Variants in ZNF536 observed in about 807,000 individuals in gnomAD.
ZNF536 encodes zinc finger protein 536.
ZNF536 carries 13 observed loss-of-function variants against 84.5 expected under a neutral mutation model. The ratio of observed to expected loss-of-function variants is 0.15; its 90% CI spans 0.10 to 0.24. The LOEUF (loss-of-function observed/expected upper bound fraction) is 0.24. ZNF536 is among the 10% of genes least tolerant of loss of function. ZNF536 has a pLI of 1.00. For missense variants in ZNF536, 1,536 were observed against 1,747.5 expected (o/e 0.88, Z 2.16); for synonymous variants, 811 against 742.5 (o/e 1.09, Z -1.50).
intron 2 of ZNF536, among the ~76,000 whole-genome samples, chr19:30,301,081 GC>G (rs1878574939): frequency 6.6e-6 from 1 of 152,280 alleles, no homozygotes; most frequent in African/African-American, 2.4e-5. Context: ...GCCCCATCAG[GC>G]CCCTGATCAT....
chr19:30,660,440 A>G lies in ZNF536; in HGVS notation c.170-50317A>G, dbSNP rs2050084394. 2.0e-5 allele frequency among the ~76,000 whole-genome samples: 3 copies of G among 152,218 alleles called. No individual in the cohort carries two copies. The South Asian group carries it at 6.2e-4, about 32-fold the overall frequency. On this transcript the variant is annotated intron_variant, in intron 1 of 1. Coordinates refer to the ZNF536 transcript ENST00000592773. ...CTGTCATCTCTTTGGCAGCGTGGAA[A>G]TAAAAATATATGTATCATTTCATTT...
At chr19:30,501,166 C>A (rs1349068597) in intron 2 of ZNF536, among the ~76,000 whole-genome samples, 2 of 152,166 alleles carry the variant, frequency 1.3e-5, no homozygotes, top group Admixed American at 6.5e-5. Context: ...ATAAGAAGGA[C>A]CACCACTGCC....
intron 1 of ZNF536, among the ~76,000 whole-genome samples, chr19:30,272,223 G>C (rs56897154): frequency 0.31 from 46,473 of 151,942 alleles, 7,185 homozygotes; most frequent in Middle Eastern, 0.34. Context: ...GATAGGTAAA[G>C]TTCCTATCCC....
intron 3 of ZNF536, among the ~76,000 whole-genome samples, chr19:30,546,809 G>A (rs1453422006): frequency 6.6e-6 from 1 of 152,198 alleles, no homozygotes; most frequent in African/African-American, 2.4e-5. Context: ...TCCTTCCAGA[G>A]AGCCTTTTGA....
intron 2 of ZNF536, among the ~76,000 whole-genome samples, chr19:30,449,876 G>T (rs149590459): frequency 2.0e-5 from 3 of 152,090 alleles, no homozygotes; most frequent in Non-Finnish European, 4.4e-5. Context: ...TATCTGGGGC[G>T]CTTTCGCATT....
chr19:30,549,402 G>C lies in ZNF536; in HGVS notation c.3783G>C (p.Pro1261=), dbSNP rs139373364. 2 of 1,594,198 alleles carry C rather than the reference G, an allele frequency of 1.3e-6. No homozygotes were observed. The highest frequency in any genetic ancestry group is 2.7e-5 in the African/African-American group (2 of 74,368). ...GGGGGCCCCAGAGCCTGGACAAGCC[G>C]ATGAACATGCTGTCGGTCCTCAGGG... ...PERGPQSLDK[P]MNMLSVLRAY... The change falls in exon 4 of 5, where the codon CCG becomes CCC. Residue 1261 remains proline (P), a synonymous_variant. Coordinates refer to ENST00000355537, the MANE Select transcript of ZNF536 (RefSeq NM_014717.3).
chr19:30,608,063 A>T (rs2047960838), intron 1 of ZNF536, among the ~76,000 whole-genome samples: 1 of 152,246 alleles, frequency 6.6e-6, no homozygotes, highest in Non-Finnish European at 1.5e-5. Flanking sequence ...ACTTCACCAA[A>T]TATCTTTTGC....
chr19:30,376,670 G>T (rs539729652), intron 1 of ZNF536, among the ~76,000 whole-genome samples: 5 of 152,294 alleles, frequency 3.3e-5, no homozygotes, highest in Middle Eastern at 3.4e-3. Flanking sequence ...GTTGTTTCCT[G>T]CCTGGAGGCA....
rs748247125 is a variant in ZNF536 at position 30,534,797 on chromosome 19, ACTC to A, written c.2171-47_2171-45del. 2.9e-5 allele frequency: 44 copies of A among 1,537,418 alleles called. No homozygotes were observed. The South Asian group carries it at 4.3e-4, about 15-fold the overall frequency. On this transcript the variant is annotated intron_variant, in intron 2 of 4. Transcript: ENST00000355537. ...GGTGTTAGCAGTTTTGGTGCGAACA[ACTC>A]CTGACATGTGCTGAAGTGATGTGAG...
At chr19:30,514,844 G>A (rs1031512587) in intron 2 of ZNF536, among the ~76,000 whole-genome samples, 4 of 152,064 alleles carry the variant, frequency 2.6e-5, no homozygotes, top group African/African-American at 9.7e-5. Context: ...TCAGTATCAG[G>A]AATCCAGTGA....
At chr19:30,673,414 C>G (rs540430449) in intron 1 of ZNF536, among the ~76,000 whole-genome samples, 29 of 152,304 alleles carry the variant, frequency 1.9e-4, no homozygotes, top group African/African-American at 6.7e-4. Context: ...CATTGCTCCA[C>G]GCTGGGGTCC....
intron 1 of ZNF536, among the ~76,000 whole-genome samples, chr19:30,564,868 G>A (rs537758406): frequency 1.3e-5 from 2 of 152,316 alleles, no homozygotes; most frequent in East Asian, 1.9e-4. Context: ...GATTGGAAAC[G>A]GGGAGATGCT....
In ZNF536 at chr19:30,228,684, T is replaced by G. The variant is rs2022767082; in HGVS notation, c.-190+11T>G. 1 of 151,518 alleles carries G rather than the reference T, an allele frequency of 6.6e-6. No homozygotes were observed. Among genetic ancestry groups the G allele is most frequent in the East Asian group, 1.9e-4 (1 of 5,134 alleles). The allele number at this position is 151,518 out of a possible 1,614,324, so 9.4% of individuals were successfully genotyped here. A position where few individuals can be genotyped will look rare whatever the true frequency, so the allele number is the denominator to read the frequency against. On this transcript the variant is annotated intron_variant, in intron 1 of 5. Transcript: ENST00000585628. This position sits in a 1 kb window ranked among gnomAD's most constrained non-coding sequence, Gnocchi z 4.5. ...AAAAGCAAGTGCCAAGTAAGTGCCC[T>G]GCGGTGGCCTCGGCGCGCCCCGGGG...
At chr19:30,230,011 C>T (rs1307489111) in intron 1 of ZNF536, among the ~76,000 whole-genome samples, 4 of 152,138 alleles carry the variant, frequency 2.6e-5, no homozygotes, top group African/African-American at 7.2e-5. Flanking sequence ...AACTTAAGTG[C>T]GATTGTGACC....
chr19:30,642,630 G>A (rs2049307433), intron 1 of ZNF536, among the ~76,000 whole-genome samples: 1 of 152,166 alleles, frequency 6.6e-6, no homozygotes. Context: ...AGTTTCAGAA[G>A]GAAATTTTGA....
intron 1 of ZNF536, among the ~76,000 whole-genome samples, chr19:30,434,997 ATGG>A (rs540238411): frequency 1.1e-3 from 171 of 150,606 alleles, no homozygotes; most frequent in Non-Finnish European, 1.9e-3. Context: ...GATGATGGTG[ATGG>A]TGGTGATGCG....
intron 1 of ZNF536, among the ~76,000 whole-genome samples, chr19:30,240,798 G>C (rs889193431): frequency 6.6e-6 from 1 of 152,204 alleles, no homozygotes; most frequent in African/African-American, 2.4e-5. Context: ...AAGAAGTGAA[G>C]GGCACAGTGT....
intron 2 of ZNF536, among the ~76,000 whole-genome samples, chr19:30,523,429 AT>A (rs1005044723): frequency 1.3e-5 from 2 of 152,112 alleles, no homozygotes; most frequent in African/African-American, 4.8e-5. Context: ...AGGTTATGTA[AT>A]TTGCCCAGGA....
chr19:30,704,130 G>T (rs762112963), intron 1 of ZNF536, among the ~76,000 whole-genome samples: 1 of 152,166 alleles, frequency 6.6e-6, no homozygotes, highest in Non-Finnish European at 1.5e-5. Context: ...AGAGGCTATC[G>T]CCTTGATGCT....
Sources: gnomAD v4.1 joint callset for allele counts (sites outside exome capture counted in the v4.1 genomes callset) on GRCh38, gnomAD v4.1.1 for gene constraint, Gnocchi (gnomAD v3.1) non-coding constraint, MANE v1.5 for transcripts, NCBI Gene and HGNC (gene_info 2026-07-23, HGNC 2026-07-21) for gene names.